Variants in PTPRD observed in about 807,000 individuals in gnomAD.
PTPRD encodes the protein receptor-type tyrosine-protein phosphatase delta.
In PTPRD, 34 loss-of-function variants were observed where a neutral mutation model predicts 214.5. The observed-to-expected ratio is 0.16, with a 90% CI of 0.12 to 0.21. PTPRD has a LOEUF of 0.21. PTPRD is among the 10% of genes least tolerant of loss of function. The pLI is 1.00. For missense variants in PTPRD, 2,545 were observed against 2,398.7 expected, an observed-to-expected ratio of 1.06 and a Z score of -1.27; for synonymous variants, 1,128 against 845.7, an observed-to-expected ratio of 1.33 and a Z score of -5.79.
intron 39 of PTPRD, among the ~76,000 whole-genome samples, chr9:8,355,830 A>T (rs145749830): frequency 6.6e-6 from 1 of 152,194 alleles, no homozygotes; most frequent in Non-Finnish European, 1.5e-5. Flanking sequence ...TGCATTTCCA[A>T]CAAGTTCTAA....
intron 9 of PTPRD, among the ~76,000 whole-genome samples, chr9:9,225,887 A>C (rs1255968375): frequency 1.3e-5 from 2 of 151,966 alleles, no homozygotes; most frequent in Non-Finnish European, 2.9e-5. Context: ...TCTCATTCAG[A>C]CTTGCCATGT....
At chr9:10,511,771 A>C (rs1317686655) in intron 2 of PTPRD, among the ~76,000 whole-genome samples, 1 of 149,022 alleles carries the variant, frequency 6.7e-6, no homozygotes, top group Non-Finnish European at 1.5e-5. Context: ...ATTTCATTTT[A>C]CGTTATATAT....
chr9:9,601,111 ATGTGTGTGTGTGTGTGTGTGTGTG>A (rs140016979), intron 7 of PTPRD, among the ~76,000 whole-genome samples: 1 of 97,472 alleles, frequency 1.0e-5, no homozygotes, highest in Non-Finnish European at 1.9e-5. Context: ...AGATTAATAT[ATGTGTGTGTGTGTGTGTGTGTGTG>A]TGTGTGTGTG....
At chr9:8,375,479 T>C (rs561845673) in intron 39 of PTPRD, among the ~76,000 whole-genome samples, 83 of 152,222 alleles carry the variant, frequency 5.5e-4, no homozygotes, top group African/African-American at 1.9e-3. Context: ...AGAAGGCATC[T>C]TTAAGCAATA....
At chr9:9,003,588 T>C (rs1441964322) in intron 11 of PTPRD, among the ~76,000 whole-genome samples, 1 of 152,056 alleles carries the variant, frequency 6.6e-6, no homozygotes, top group African/African-American at 2.4e-5. Context: ...TAATGCCAGT[T>C]AAACAGTCAT....
intron 10 of PTPRD, among the ~76,000 whole-genome samples, chr9:9,028,880 C>T (rs437414): frequency 3.3e-5 from 5 of 151,022 alleles, no homozygotes; most frequent in South Asian, 2.1e-4. Context: ...TATTTAATTA[C>T]GATCGAAGGA....
intron 4 of PTPRD, among the ~76,000 whole-genome samples, chr9:9,955,095 A>T (rs1030207728): frequency 5.9e-5 from 9 of 152,124 alleles, no homozygotes; most frequent in African/African-American, 2.2e-4. Flanking sequence ...TAGGCAATCT[A>T]CTCCCATCAT....
At chr9:10,600,159 A>G (rs1466592532) in intron 2 of PTPRD, among the ~76,000 whole-genome samples, 1 of 151,766 alleles carries the variant, frequency 6.6e-6, no homozygotes, top group African/African-American at 2.4e-5. Flanking sequence ...AAATTGATCA[A>G]CTTAAAATGA....
At chr9:9,055,282 G>A (rs1415821935) in intron 10 of PTPRD, among the ~76,000 whole-genome samples, 1 of 152,098 alleles carries the variant, frequency 6.6e-6, no homozygotes. Context: ...GAAAAATACT[G>A]AGAGTGGATA....
chr9:10,385,926 G>T (rs1370880355), intron 2 of PTPRD, among the ~76,000 whole-genome samples: 2 of 151,564 alleles, frequency 1.3e-5, no homozygotes, highest in East Asian at 2.0e-4. Context: ...AATAATACTA[G>T]CAAAAAATCA....
intron 12 of PTPRD, among the ~76,000 whole-genome samples, chr9:8,723,477 C>T (rs2098524010): frequency 6.6e-6 from 1 of 152,164 alleles, no homozygotes; most frequent in African/African-American, 2.4e-5. Flanking sequence ...CTGCACTGCT[C>T]CTTTCTCCAC....
At chr9:9,961,795 A>G (rs1447831201) in intron 4 of PTPRD, among the ~76,000 whole-genome samples, 1 of 152,126 alleles carries the variant, frequency 6.6e-6, no homozygotes, top group Non-Finnish European at 1.5e-5. Context: ...ACTACAATAA[A>G]ATCTAGAAGT....
chr9:8,369,063 G>A (rs1016426941), intron 39 of PTPRD, among the ~76,000 whole-genome samples: 4 of 151,974 alleles, frequency 2.6e-5, no homozygotes, highest in African/African-American at 9.7e-5. Context: ...GGAAAACATG[G>A]GTCTATGGTT....
chr9:10,449,718 G>A (rs181497388), intron 2 of PTPRD, among the ~76,000 whole-genome samples: 461 of 150,754 alleles, frequency 3.1e-3, no homozygotes, highest in Admixed American at 4.7e-3. Flanking sequence ...CCCTCTGCCC[G>A]GCAGCCACCC....
intron 11 of PTPRD, among the ~76,000 whole-genome samples, chr9:8,851,741 T>C (rs1390879860): frequency 6.6e-6 from 1 of 152,204 alleles, no homozygotes; most frequent in Non-Finnish European, 1.5e-5. Flanking sequence ...TGTATGGTTA[T>C]TCATTCCCTC....
chr9:10,524,938 A>C (rs186562796), intron 2 of PTPRD, among the ~76,000 whole-genome samples: 1 of 152,130 alleles, frequency 6.6e-6, no homozygotes, highest in African/African-American at 2.4e-5. Flanking sequence ...AAAAAAAGCA[A>C]AATAAGTGTA....
intron 7 of PTPRD, among the ~76,000 whole-genome samples, chr9:9,700,914 C>A (rs963285815): frequency 6.6e-6 from 1 of 151,864 alleles, no homozygotes; most frequent in Non-Finnish European, 1.5e-5. Context: ...TGTAAACAAA[C>A]CATTACAATA....
At chr9:9,647,916 C>T (rs10759083) in intron 7 of PTPRD, among the ~76,000 whole-genome samples, 34,729 of 152,084 alleles carry the variant, frequency 0.23, 4,283 homozygotes, top group Admixed American at 0.36. Flanking sequence ...CCCCAGATCT[C>T]ATACTTTAAT....
intron 5 of PTPRD, among the ~76,000 whole-genome samples, chr9:9,862,509 C>T (rs1171932771): frequency 6.6e-6 from 1 of 152,136 alleles, no homozygotes; most frequent in Non-Finnish European, 1.5e-5. Context: ...AAGCTTTTTC[C>T]CATATTTTCT....
Sources: gnomAD v4.1 joint callset for allele counts (sites outside exome capture counted in the v4.1 genomes callset) on GRCh38, gnomAD v4.1.1 for gene constraint, MANE v1.5 for transcripts, NCBI Gene and HGNC (gene_info 2026-07-23, HGNC 2026-07-21) for gene names.